The following SYT1 variants were observed in gnomAD, a reference collection of about 807,000 sequenced individuals.
SYT1 encodes synaptotagmin 1.
In SYT1, 8 loss-of-function variants were observed where a neutral mutation model predicts 44.8. The ratio of observed to expected loss-of-function variants is 0.18; its 90% CI spans 0.10 to 0.32. SYT1 has a LOEUF of 0.32. Ranked by LOEUF, SYT1 falls within the 10% of genes least tolerant of loss-of-function variation. The pLI, the probability that SYT1 is intolerant of heterozygous loss-of-function variation, is 1.00. For missense variants in SYT1, 286 were observed against 509.3 expected (o/e 0.56, Z 4.22); for synonymous variants, 154 against 188.8 (o/e 0.82, Z 1.51).
In SYT1 at chr12:79,070,763, A is replaced by G. The variant is rs970660727; in HGVS notation, c.-18+23401A>G. ...CAGGGGCAAGGCTGAACAACTACCT[A>G]TTGGGTACTATGCTTACTACCTGAG... On this transcript the variant is annotated intron_variant, in intron 3 of 10. Transcript: ENST00000261205. Among the ~76,000 whole-genome samples, 76 of 152,186 alleles carry G rather than the reference A, an allele frequency of 5.0e-4. 1 individual carries two copies. Among genetic ancestry groups the G allele is most frequent in the Admixed American group, 2.6e-4 (4 of 15,252 alleles).
At chr12:79,380,333 A>G (rs560817211) in intron 9 of SYT1, among the ~76,000 whole-genome samples, 1 of 152,232 alleles carries the variant, frequency 6.6e-6, no homozygotes, top group Admixed American at 6.5e-5. Context: ...AAGCACATTC[A>G]TTGCCATTTA....
chr12:79,249,266 G>A (rs1402233106), intron 4 of SYT1, among the ~76,000 whole-genome samples: 25 of 151,166 alleles, frequency 1.7e-4, no homozygotes, highest in African/African-American at 5.4e-4. Context: ...CACCGCGCCC[G>A]GCTAATTTTT....
At chr12:79,137,751 G>A (rs1315817132) in intron 3 of SYT1, among the ~76,000 whole-genome samples, 5 of 152,152 alleles carry the variant, frequency 3.3e-5, no homozygotes, top group Admixed American at 3.3e-4. Context: ...TGATTTAGCT[G>A]TAATTCTATA....
chr12:78,923,616 G>A (rs1877130172), intron 1 of SYT1, among the ~76,000 whole-genome samples: 1 of 151,814 alleles, frequency 6.6e-6, no homozygotes, highest in Admixed American at 6.6e-5. Context: ...GACAAGAATT[G>A]TACAAAGAAT....
intron 3 of SYT1, among the ~76,000 whole-genome samples, chr12:79,139,282 T>C (rs1029497576): frequency 6.6e-6 from 1 of 152,042 alleles, no homozygotes; most frequent in African/African-American, 2.4e-5. Flanking sequence ...AATGAGAGAG[T>C]ATAGAACGTC....
chr12:79,164,404 T>TGCAACTAATTTA (rs1871125815), intron 3 of SYT1, among the ~76,000 whole-genome samples: 1 of 152,142 alleles, frequency 6.6e-6, no homozygotes, highest in Non-Finnish European at 1.5e-5. Context: ...TGCAAGAAGT[T>TGCAACTAATTTA]GTGCGGATGC....
At chr12:79,124,067 T>C (rs1309493307) in intron 3 of SYT1, among the ~76,000 whole-genome samples, 2 of 152,232 alleles carry the variant, frequency 1.3e-5, no homozygotes, top group African/African-American at 2.4e-5. Flanking sequence ...CACAACCCCA[T>C]GAGGTTTTCC....
chr12:79,031,654 T>C (rs1490194698), intron 2 of SYT1, among the ~76,000 whole-genome samples: 1 of 151,112 alleles, frequency 6.6e-6, no homozygotes, highest in Non-Finnish European at 1.5e-5. Context: ...CTCTTCCTTA[T>C]AGAACTTAAA....
At chr12:79,035,353 C>T (rs1873062969) in intron 2 of SYT1, among the ~76,000 whole-genome samples, 2 of 151,690 alleles carry the variant, frequency 1.3e-5, no homozygotes, top group Non-Finnish European at 1.5e-5. Context: ...TGTCATTTCA[C>T]CAACATCCTC....
intron 9 of SYT1, among the ~76,000 whole-genome samples, chr12:79,380,987 A>G (rs1475337567): frequency 6.6e-6 from 1 of 152,156 alleles, no homozygotes; most frequent in Non-Finnish European, 1.5e-5. Context: ...AACACTTGAC[A>G]ATCTTTCCCT....
chr12:79,331,122 A>G (rs1881836557), intron 8 of SYT1, among the ~76,000 whole-genome samples: 1 of 152,180 alleles, frequency 6.6e-6, no homozygotes, highest in African/African-American at 2.4e-5. Flanking sequence ...TATAACAGCA[A>G]CAGCTTCTTT....
At chr12:79,323,070 A>G (rs969911795) in intron 8 of SYT1, among the ~76,000 whole-genome samples, 2 of 152,132 alleles carry the variant, frequency 1.3e-5, no homozygotes, top group Non-Finnish European at 2.9e-5. Context: ...CATGGGGGAA[A>G]GAGAACAGTA....
At chr12:79,328,117 C>G (rs1881687848) in intron 8 of SYT1, among the ~76,000 whole-genome samples, 2 of 152,098 alleles carry the variant, frequency 1.3e-5, no homozygotes, top group African/African-American at 4.8e-5. Flanking sequence ...GAGGCTCTTG[C>G]CTCCATTTAG....
At chr12:79,203,929 C>T (rs1447441324) in intron 3 of SYT1, among the ~76,000 whole-genome samples, 1 of 152,184 alleles carries the variant, frequency 6.6e-6, no homozygotes, top group Non-Finnish European at 1.5e-5. Flanking sequence ...GAGAATTATT[C>T]AAAGCACCTA....
chr12:79,331,088 T>C (rs1440153842), intron 8 of SYT1, among the ~76,000 whole-genome samples: 8 of 152,182 alleles, frequency 5.3e-5, no homozygotes, highest in Non-Finnish European at 8.8e-5. Context: ...TACCCTCACA[T>C]GCAATTGAGA....
intron 4 of SYT1, among the ~76,000 whole-genome samples, chr12:79,219,708 G>GT (rs1017546013): frequency 6.6e-6 from 1 of 151,928 alleles, no homozygotes; most frequent in African/African-American, 2.4e-5. Flanking sequence ...CTATGTGTCT[G>GT]TTTTTATGCT....
intron 4 of SYT1, among the ~76,000 whole-genome samples, chr12:79,226,952 A>T (rs1875556709): frequency 6.6e-6 from 1 of 152,176 alleles, no homozygotes; most frequent in South Asian, 2.1e-4. Context: ...GGCATAACAT[A>T]CTGTGATGCT....
At chr12:78,939,728 A>G (rs938562434) in intron 1 of SYT1, among the ~76,000 whole-genome samples, 3 of 152,180 alleles carry the variant, frequency 2.0e-5, no homozygotes, top group African/African-American at 4.8e-5. Flanking sequence ...CCAGTGTTCA[A>G]AAAGAGATTA....
chr12:79,034,674 C>A (rs1202751062), intron 2 of SYT1, among the ~76,000 whole-genome samples: 1 of 151,686 alleles, frequency 6.6e-6, no homozygotes, highest in Non-Finnish European at 1.5e-5. Flanking sequence ...TTTTTTTAAA[C>A]TATGCTGCTT....
Sources: allele counts gnomAD v4.1 joint callset (sites outside exome capture counted in the v4.1 genomes callset), GRCh38; gene constraint gnomAD v4.1.1; transcripts MANE v1.5; gene names NCBI Gene and HGNC (gene_info 2026-07-23, HGNC 2026-07-21).